Variants in DNAH14 observed in about 807,000 individuals in gnomAD.
DNAH14 encodes the protein dynein axonemal heavy chain 14.
DNAH14 carries 478 observed loss-of-function variants against 520.9 expected under a neutral mutation model. The observed-to-expected ratio is 0.92, with a 90% CI of 0.85 to 0.99. DNAH14 has a LOEUF of 0.99. Among genes scored for constraint, DNAH14 ranks in the 50% least tolerant of loss-of-function variants. The probability of loss-of-function intolerance (pLI) is 0.00; values close to 1 mark genes in which losing one functional copy is unlikely to be tolerated. For missense variants in DNAH14, 4,831 were observed against 5,234.5 expected, an observed-to-expected ratio of 0.92 and a Z score of 2.38; for synonymous variants, 1,581 against 1,757.2, an observed-to-expected ratio of 0.90 and a Z score of 2.51.
intron 58 of DNAH14, among the ~76,000 whole-genome samples, chr1:225,305,645 A>G (rs1315468780): frequency 6.6e-6 from 1 of 152,120 alleles, no homozygotes; most frequent in Admixed American, 6.5e-5. Flanking sequence ...AGTGCCCCAC[A>G]TTTTCATGTT....
chr1:225,127,504 T>C (rs1245332884), intron 27 of DNAH14, among the ~76,000 whole-genome samples: 1 of 152,058 alleles, frequency 6.6e-6, no homozygotes, highest in African/African-American at 2.4e-5. Context: ...GTTTAAATTC[T>C]GTTTTATCAG....
At chr1:224,979,676 CACCT>C (rs1288585681) in intron 8 of DNAH14, among the ~76,000 whole-genome samples, 1 of 152,190 alleles carries the variant, frequency 6.6e-6, no homozygotes, top group Non-Finnish European at 1.5e-5. Context: ...AGAGTGCTTG[CACCT>C]ACCTCCGCTA....
intron 36 of DNAH14, among the ~76,000 whole-genome samples, chr1:225,178,617 T>G (rs1326724043): frequency 6.6e-6 from 1 of 152,204 alleles, no homozygotes; most frequent in African/African-American, 2.4e-5. Flanking sequence ...ACTAACTTGC[T>G]TTTGATTTTA....
chr1:225,254,649 G>A (rs1211845019), intron 44 of DNAH14, among the ~76,000 whole-genome samples: 1 of 152,174 alleles, frequency 6.6e-6, no homozygotes, highest in Non-Finnish European at 1.5e-5. Flanking sequence ...ATAGAGCTCA[G>A]GCAAGGGAGA....
intron 5 of DNAH14, 71 bp from the exon 6 acceptor site, chr1:224,967,360 A>C: frequency 8.9e-7 from 1 of 1,120,584 alleles, no homozygotes; most frequent in East Asian, 2.8e-5. Context: ...TAATCTGTTC[A>C]CCCATTGTAT....
intron 23 of DNAH14, among the ~76,000 whole-genome samples, chr1:225,104,677 G>A (rs150393122): frequency 0.081 from 12,264 of 152,076 alleles, 1,579 homozygotes; most frequent in African/African-American, 0.28. Context: ...TTGCATAGAG[G>A]TGTTGATAGT....
intron 27 of DNAH14, among the ~76,000 whole-genome samples, chr1:225,133,242 T>A (rs1401718223): frequency 6.6e-6 from 1 of 152,178 alleles, no homozygotes. Context: ...TAGATCTCAT[T>A]TGTCAATTTT....
chr1:225,387,889 G>A (rs568649767), intron 81 of DNAH14, among the ~76,000 whole-genome samples: 4 of 152,230 alleles, frequency 2.6e-5, no homozygotes, highest in South Asian at 2.1e-4. Flanking sequence ...TAAGATGCAA[G>A]GGAGCGTTAA....
At chr1:225,202,067 G>A (rs2086912929) in intron 38 of DNAH14, among the ~76,000 whole-genome samples, 1 of 151,962 alleles carries the variant, frequency 6.6e-6, no homozygotes, top group Non-Finnish European at 1.5e-5. Flanking sequence ...GTAGAGATGG[G>A]GTTTCACCAT....
chr1:225,118,730 A>T (rs1488290774), intron 25 of DNAH14, among the ~76,000 whole-genome samples: 1 of 152,000 alleles, frequency 6.6e-6, no homozygotes, highest in Non-Finnish European at 1.5e-5. Flanking sequence ...TAAAAATACA[A>T]AAATTAGCTG....
chr1:225,390,176 C>T (rs2150834704), intron 83 of DNAH14, among the ~76,000 whole-genome samples: 1 of 152,286 alleles, frequency 6.6e-6, no homozygotes, highest in South Asian at 2.1e-4. Flanking sequence ...CATTAGCACC[C>T]AGCTCCTCCA....
rs146649424 is a variant in DNAH14, at chr1:225,048,569, A to G, written c.1913-1641A>G. On this transcript the variant is annotated intron_variant, in intron 15 of 85. Transcript: ENST00000682510. Reference sequence around the variant, plus strand: ...TTCAATAGTCTTTTTTTAAATTGCTATGCTGTATTCAACTGTTTGGATGTA... The same window carrying G: ...TTCAATAGTCTTTTTTTAAATTGCTGTGCTGTATTCAACTGTTTGGATGTA... Among the ~76,000 whole-genome samples, 10 of 152,270 alleles carry G rather than the reference A, an allele frequency of 6.6e-5. No individual in the cohort carries two copies. The East Asian group carries it at 1.7e-3, about 26-fold the overall frequency.
chr1:225,097,031 C>T, intron 21 of DNAH14, 87 bp from the exon 22 acceptor site: 1 of 1,088,078 alleles, frequency 9.2e-7, no homozygotes, highest in Non-Finnish European at 1.2e-6. Context: ...GACTGATAAT[C>T]ACCTTTGATC....
chr1:224,955,499 A>G (rs2060454760), intron 3 of DNAH14, among the ~76,000 whole-genome samples: 1 of 151,506 alleles, frequency 6.6e-6, no homozygotes, highest in Non-Finnish European at 1.5e-5. Flanking sequence ...GTGTCTAATT[A>G]CTCCCTCACA....
intron 36 of DNAH14, among the ~76,000 whole-genome samples, chr1:225,183,184 G>A (rs1192869128): frequency 2.0e-5 from 3 of 152,192 alleles, no homozygotes; most frequent in African/African-American, 7.2e-5. Flanking sequence ...AGATACTCCT[G>A]AACAGTACTT....
intron 19 of DNAH14, among the ~76,000 whole-genome samples, 195 bp from the exon 20 acceptor site, chr1:225,082,354 T>G (rs1380340805): frequency 6.6e-6 from 1 of 152,166 alleles, no homozygotes; most frequent in African/African-American, 2.4e-5. Flanking sequence ...ATTTCTCTTA[T>G]TTTAATGTAT....
At chr1:225,300,141 C>T (rs181891061) in intron 55 of DNAH14, among the ~76,000 whole-genome samples, 1 of 152,232 alleles carries the variant, frequency 6.6e-6, no homozygotes, top group African/African-American at 2.4e-5. Context: ...GATATGAATT[C>T]AGTTAAATTA....
At chr1:225,207,355 C>A in intron 41 of DNAH14, 135 bp downstream of exon 41, 1 of 829,888 alleles carries the variant, frequency 1.2e-6, no homozygotes, top group Non-Finnish European at 1.7e-6. Flanking sequence ...AGCAGATATG[C>A]ACATGGAACA....
chr1:225,368,353 G>T lies in DNAH14; in HGVS notation c.12318+321G>T, dbSNP rs150664780. Among the ~76,000 whole-genome samples the T allele has an allele frequency of 2.4e-4, 36 of 152,310 alleles. No individual in the cohort carries two copies. The East Asian group carries it at 4.8e-3, about 20-fold the overall frequency. ...AGTACTGACTCCAGAGGATCATTAT[G>T]TAATTATAGGCAAACTTGTTAATGT... On this transcript the variant is annotated intron_variant, in intron 77 of 85. Coordinates refer to ENST00000682510, the MANE Select transcript of DNAH14 (RefSeq NM_001367479.1).
Sources: allele counts gnomAD v4.1 joint callset (sites outside exome capture counted in the v4.1 genomes callset), GRCh38; gene constraint gnomAD v4.1.1; transcripts MANE v1.5; gene names NCBI Gene and HGNC (gene_info 2026-07-23, HGNC 2026-07-21).